Variants in TBC1D23 observed in about 807,000 individuals in gnomAD.
TBC1D23 encodes HCV non-structural protein 4A-transactivated protein 1.
In TBC1D23, 55 loss-of-function variants were observed where a neutral mutation model predicts 91.4. The observed-to-expected ratio is 0.60, with a 90% CI of 0.48 to 0.75. The LOEUF (loss-of-function observed/expected upper bound fraction) is 0.75. Among genes scored for constraint, TBC1D23 ranks in the 30% least tolerant of loss-of-function variants. The pLI is 0.00. For synonymous variants in TBC1D23, 289 were observed against 281.0 expected (o/e 1.03, Z -0.28); for missense variants, 725 against 836.1 (o/e 0.87, Z 1.64).
At chr3:100,268,897 T>G (rs1474139938) in intron 1 of TBC1D23, among the ~76,000 whole-genome samples, 2 of 152,224 alleles carry the variant, frequency 1.3e-5, no homozygotes, top group Non-Finnish European at 2.9e-5. Flanking sequence ...AGTCAAAATC[T>G]TATAGCAAAT....
chr3:100,261,479 A>T (rs1303579021), intron 1 of TBC1D23: 1 of 179,410 alleles, frequency 5.6e-6, no homozygotes, highest in East Asian at 1.5e-4. Context: ...ACGTTTTGAA[A>T]TGACCACTGC....
intron 1 of TBC1D23, among the ~76,000 whole-genome samples, chr3:100,272,313 G>T (rs570856113): frequency 6.6e-6 from 1 of 152,268 alleles, no homozygotes; most frequent in East Asian, 1.9e-4. Flanking sequence ...TTCTTAAGTA[G>T]CAGTTACTTA....
intron 16 of TBC1D23, among the ~76,000 whole-genome samples, chr3:100,316,728 A>G (rs191343371): frequency 5.9e-5 from 9 of 152,184 alleles, no homozygotes; most frequent in African/African-American, 9.6e-5. Flanking sequence ...ACTGGAGGCA[A>G]TATCCTAAAG....
intron 15 of TBC1D23, among the ~76,000 whole-genome samples, chr3:100,315,353 A>G (rs1705719448): frequency 6.6e-6 from 1 of 151,720 alleles, no homozygotes; most frequent in South Asian, 2.1e-4. Flanking sequence ...GTAGAGACGG[A>G]GTTTCTCCAC....
At chr3:100,271,375 A>G (rs1236045780) in intron 1 of TBC1D23, among the ~76,000 whole-genome samples, 2 of 152,188 alleles carry the variant, frequency 1.3e-5, no homozygotes, top group African/African-American at 4.8e-5. Context: ...GCTGTTTCTA[A>G]TGGCAATTTT....
At chr3:100,299,793 G>A in intron 10 of TBC1D23, among the ~76,000 whole-genome samples, 1 of 152,220 alleles carries the variant, frequency 6.6e-6, no homozygotes, top group Admixed American at 6.5e-5. Flanking sequence ...TTATAGGCGT[G>A]AGCCACCACG....
chr3:100,263,405 G>A (rs1177639100), intron 1 of TBC1D23, among the ~76,000 whole-genome samples: 1 of 152,212 alleles, frequency 6.6e-6, no homozygotes, highest in East Asian at 1.9e-4. Context: ...GCGTATACGT[G>A]CAAGTCACAG....
chr3:100,307,290 A>T (rs1193540833), intron 13 of TBC1D23, among the ~76,000 whole-genome samples: 1 of 152,236 alleles, frequency 6.6e-6, no homozygotes, highest in East Asian at 1.9e-4. Context: ...TCTTTAAAAC[A>T]GAAATAGAAG....
chr3:100,293,968 T>TTTAA (rs2067815992), intron 5 of TBC1D23, among the ~76,000 whole-genome samples: 1 of 152,204 alleles, frequency 6.6e-6, no homozygotes, highest in Non-Finnish European at 1.5e-5. Context: ...GTTGTGAGAA[T>TTTAA]TTAAGTAAGA....
chr3:100,319,316 C>A (rs1177344351), intron 17 of TBC1D23, 112 bp downstream of exon 17: 3 of 872,386 alleles, frequency 3.4e-6, no homozygotes, highest in Admixed American at 5.4e-5. Flanking sequence ...AGATATAATT[C>A]CCTTCTGTCT....
chr3:100,310,580 T>C, intron 14 of TBC1D23, 38 bp downstream of exon 14: 6 of 1,515,430 alleles, frequency 4.0e-6, no homozygotes, highest in Middle Eastern at 1.8e-4. Context: ...TGATGAGTAA[T>C]TAAAACTAAA....
chr3:100,318,316 A>G (rs1705789919), intron 16 of TBC1D23, among the ~76,000 whole-genome samples: 1 of 152,052 alleles, frequency 6.6e-6, no homozygotes, highest in Non-Finnish European at 1.5e-5. Context: ...ATAACCTTAA[A>G]TTTTTACTTA....
chr3:100,293,358 C>T (rs1305668898), intron 5 of TBC1D23, among the ~76,000 whole-genome samples: 1 of 152,132 alleles, frequency 6.6e-6, no homozygotes, highest in Non-Finnish European at 1.5e-5. Flanking sequence ...TGGTCTCGAT[C>T]TCCTGACCTC....
chr3:100,314,842 A>C (rs1006322753), intron 15 of TBC1D23, among the ~76,000 whole-genome samples: 2 of 152,206 alleles, frequency 1.3e-5, no homozygotes, highest in Admixed American at 1.3e-4. Context: ...ACATTGGAAT[A>C]GCTCTTGAAA....
chr3:100,308,657 G>A (rs2148867714), intron 13 of TBC1D23, among the ~76,000 whole-genome samples: 1 of 152,224 alleles, frequency 6.6e-6, no homozygotes, highest in Admixed American at 6.5e-5. Context: ...TAAAAGTAGT[G>A]ATCATAGCAT....
At chr3:100,281,148 C>G (rs747010808) in intron 2 of TBC1D23, among the ~76,000 whole-genome samples, 1 of 151,950 alleles carries the variant, frequency 6.6e-6, no homozygotes, top group Non-Finnish European at 1.5e-5. Context: ...AGCAAGAGAG[C>G]GAAACTCAGT....
At chr3:100,294,962 G>C (rs2067825415) in intron 5 of TBC1D23, 125 bp from the exon 6 acceptor site, 1 of 931,056 alleles carries the variant, frequency 1.1e-6, no homozygotes, top group Non-Finnish European at 1.6e-6. Flanking sequence ...CTAAGATTAA[G>C]GTACGCATTA....
At chr3:100,267,201 G>T (rs549945510) in intron 1 of TBC1D23, 8 of 445,260 alleles carry the variant, frequency 1.8e-5, no homozygotes, top group Admixed American at 9.9e-5. Context: ...TTGAAAAGGG[G>T]CAGGGCTTGA....
chr3:100,299,113 C>A, intron 9 of TBC1D23, 126 bp from the exon 10 acceptor site: 1 of 555,266 alleles, frequency 1.8e-6, no homozygotes, highest in Non-Finnish European at 3.3e-6. Context: ...CTAGGTCCTC[C>A]CAATTCCATG....
Sources: gnomAD v4.1 joint callset for allele counts (sites outside exome capture counted in the v4.1 genomes callset) on GRCh38, gnomAD v4.1.1 for gene constraint, MANE v1.5 for transcripts, NCBI Gene and HGNC (gene_info 2026-07-23, HGNC 2026-07-21) for gene names.